CYFIP1: variants seen among roughly 807,000 people sequenced by gnomAD.
The protein encoded by CYFIP1 is cytoplasmic FMR1-interacting protein 1.
Under a neutral mutation model 163.5 loss-of-function variants are expected in CYFIP1, and 58 were observed. That is an observed-to-expected ratio of 0.35 (90% confidence interval 0.29 to 0.44). The LOEUF is 0.44. Ranked by LOEUF, CYFIP1 falls within the 20% of genes least tolerant of loss-of-function variation. CYFIP1 has a pLI of 1.00. For missense variants in CYFIP1, 1,338 were observed against 1,653.8 expected (o/e 0.81, Z 3.31); for synonymous variants, 663 against 660.7 (o/e 1.00, Z -0.05).
intron 3 of CYFIP1, chr15:22,946,669 G>T: frequency 2.4e-6 from 1 of 424,016 alleles, no homozygotes; most frequent in Non-Finnish European, 4.5e-6. Context: ...TAATAACAAT[G>T]CAATTCATTT....
chr15:22,901,220 A>AC (rs1201423236), intron 22 of CYFIP1, among the ~76,000 whole-genome samples: 1 of 151,974 alleles, frequency 6.6e-6, no homozygotes, highest in Non-Finnish European at 1.5e-5. Context: ...CAAAAAAAAA[A>AC]ACCAAAAAAA....
At chr15:22,944,817 C>T in intron 4 of CYFIP1, 45 bp downstream of exon 4, 1 of 1,596,218 alleles carries the variant, frequency 6.3e-7, no homozygotes, top group South Asian at 1.1e-5. Flanking sequence ...TGGCAGGGGC[C>T]TGGCAGGGTG....
At chr15:22,973,840 G>T (rs2063180436) in intron 1 of CYFIP1, among the ~76,000 whole-genome samples, 1 of 152,076 alleles carries the variant, frequency 6.6e-6, no homozygotes, top group Non-Finnish European at 1.5e-5. Context: ...AATATACAAA[G>T]AATTCAAACA....
chr15:22,930,258 G>C (rs1345639664), intron 11 of CYFIP1, among the ~76,000 whole-genome samples: 1 of 151,638 alleles, frequency 6.6e-6, no homozygotes, highest in East Asian at 1.9e-4. Flanking sequence ...GCCGGGCGTA[G>C]TGGTGGGTGC....
chr15:22,883,559 T>C (rs1393268039), intron 23 of CYFIP1, among the ~76,000 whole-genome samples: 1 of 152,166 alleles, frequency 6.6e-6, no homozygotes, highest in African/African-American at 2.4e-5. Flanking sequence ...GACTCACACC[T>C]GTAATCCCAG....
At chr15:22,965,234 G>A (rs1307214756) in intron 1 of CYFIP1, among the ~76,000 whole-genome samples, 2 of 152,200 alleles carry the variant, frequency 1.3e-5, no homozygotes, top group Admixed American at 6.5e-5. Flanking sequence ...CAAGGCAGGC[G>A]GATCACCTGA....
intron 1 of CYFIP1, among the ~76,000 whole-genome samples, chr15:22,979,544 A>G (rs1433232034): frequency 1.3e-5 from 2 of 152,170 alleles, no homozygotes; most frequent in Admixed American, 6.5e-5. Context: ...TTAATAGCGG[A>G]GCTGACACCG....
intron 7 of CYFIP1, 40 bp from the exon 8 acceptor site, chr15:22,939,360 C>G (rs1430144361): frequency 6.2e-7 from 1 of 1,613,952 alleles, no homozygotes; most frequent in African/African-American, 1.3e-5. Flanking sequence ...GGGCCCGGCG[C>G]CCGGCCGGCT....
chr15:22,954,489 G>C (rs1210224711), intron 1 of CYFIP1, among the ~76,000 whole-genome samples: 18 of 152,192 alleles, frequency 1.2e-4, no homozygotes. Flanking sequence ...CACACTGCTG[G>C]GAACAAAACA....
At chr15:22,967,143 T>C (rs2062938845) in intron 1 of CYFIP1, among the ~76,000 whole-genome samples, 1 of 152,186 alleles carries the variant, frequency 6.6e-6, no homozygotes, top group South Asian at 2.1e-4. Context: ...CTAGCATCGG[T>C]TGGGACACGG....
chr15:22,960,132 G>A (rs918352215), intron 1 of CYFIP1, among the ~76,000 whole-genome samples: 6 of 152,172 alleles, frequency 3.9e-5, no homozygotes, highest in Non-Finnish European at 1.5e-5. Context: ...CAGCCCGTGG[G>A]CAGAGTGTCT....
intron 30 of CYFIP1, 77 bp from the exon 31 acceptor site, chr15:22,870,269 C>T: frequency 1.0e-5 from 15 of 1,475,284 alleles, no homozygotes; most frequent in Non-Finnish European, 1.3e-5. Context: ...TGTCAGGATT[C>T]TTATATTTTC....
chr15:22,924,842 C>T (rs953487363), intron 13 of CYFIP1, among the ~76,000 whole-genome samples: 5 of 151,972 alleles, frequency 3.3e-5, no homozygotes, highest in African/African-American at 9.7e-5. Flanking sequence ...GAGGCTGAGG[C>T]GGGTGGATTG....
intron 22 of CYFIP1, among the ~76,000 whole-genome samples, chr15:22,895,916 C>T (rs905520526): frequency 9.9e-5 from 15 of 152,222 alleles, no homozygotes; most frequent in African/African-American, 3.6e-4. Context: ...GAAAGCTTTG[C>T]ACATGGAAAC....
At chr15:22,927,244 C>T (rs945124278) in intron 12 of CYFIP1, among the ~76,000 whole-genome samples, 3 of 152,016 alleles carry the variant, frequency 2.0e-5, no homozygotes, top group Non-Finnish European at 4.4e-5. Context: ...CTTTGGGAGA[C>T]TGAGGCGGGT....
rs1184549262 is a variant in CYFIP1, at chr15:22,882,872, C to G, written c.2816G>C (p.Ser939Thr). ...GCATGTCCAGGGAACACTCACCAGG[C>G]TCTTGACGACCTTCAGCAGCTCCTC... ...VMEELLKVVK[S>T]LLQGTILQYV... Residue 939 changes from serine (S) to threonine (T), a missense_variant, in exon 24 of 31, where the codon AGC (serine) becomes ACC (threonine). By Grantham distance (58) the Ser-to-Thr change is moderately conservative. Coordinates refer to ENST00000617928, the MANE Select transcript of CYFIP1 (RefSeq NM_014608.6). 6.2e-7 allele frequency: 1 copy of G among 1,613,172 alleles called. No homozygotes were observed. The highest frequency in any genetic ancestry group is 8.5e-7 in the Non-Finnish European group (1 of 1,179,222).
chr15:22,904,026 C>T (rs2060489995), intron 21 of CYFIP1, 121 bp from the exon 22 acceptor site: 3 of 877,028 alleles, frequency 3.4e-6, no homozygotes. Flanking sequence ...AGGCAGCCCC[C>T]AGTGAGCGTA....
chr15:22,893,094 C>G (rs1054249118), intron 22 of CYFIP1, 117 bp from the exon 23 acceptor site: 3 of 701,296 alleles, frequency 4.3e-6, no homozygotes, highest in African/African-American at 3.6e-5. Flanking sequence ...CTGATACAAT[C>G]ATCAAATAGG....
At chr15:22,919,390 T>A (rs947651058) in intron 13 of CYFIP1, among the ~76,000 whole-genome samples, 8 of 152,222 alleles carry the variant, frequency 5.3e-5, no homozygotes, top group Non-Finnish European at 7.3e-5. Context: ...AGTAATTTTG[T>A]CATGACAGTG....
Sources: allele counts gnomAD v4.1 joint callset (sites outside exome capture counted in the v4.1 genomes callset), GRCh38; gene constraint gnomAD v4.1.1; transcripts MANE v1.5; gene names NCBI Gene and HGNC (gene_info 2026-07-23, HGNC 2026-07-21).